Variants in CEP89 observed in about 807,000 individuals in gnomAD.
CEP89 encodes the protein centrosomal protein 89, also known as centrosomal protein of 89 kDa.
Under a neutral mutation model 97.6 loss-of-function variants are expected in CEP89, and 95 were observed. That is an observed-to-expected ratio of 0.97 (90% CI 0.82 to 1.15). The LOEUF is 1.15. Among genes scored for constraint, CEP89 ranks in the 50% most tolerant of loss-of-function variants. The pLI, the probability that CEP89 is intolerant of heterozygous loss-of-function variation, is 0.00. For missense variants in CEP89, 869 were observed against 947.7 expected (o/e 0.92, Z 1.09); for synonymous variants, 354 against 349.1 (o/e 1.01, Z -0.16).
Position 32,939,885 on chromosome 19 carries a change from T to A in CEP89, c.596A>T (p.Asp199Val), listed in dbSNP as rs142458977. 9.1e-5 allele frequency: 116 copies of A among 1,274,634 alleles called. No homozygotes were observed. In the African/African-American group the frequency reaches 1.5e-3, roughly 16 times the overall value. The allele number at this position is 1,274,634 out of a possible 1,614,324, so 79.0% of individuals were successfully genotyped here. A position where few individuals can be genotyped will look rare whatever the true frequency, so the allele number is the denominator to read the frequency against. Reference sequence around the variant, plus strand: ...TAAATTCAGAACAGGGTGTTTACCATCTGATGAAGAAAAAGAGAGAGAGAT... The same window carrying A: ...TAAATTCAGAACAGGGTGTTTACCAACTGATGAAGAAAAAGAGAGAGAGAT... ...PPAPQRTQQK[D>V]GKHPVLNLKD... Residue 199 changes from aspartate (D) to valine (V), a missense_variant and splice_region_variant, in exon 6 of 19, where the codon GAT becomes GTT. Asp to Val is a radical substitution (Grantham distance 152, BLOSUM62 -3). Coordinates refer to ENST00000305768, the MANE Select transcript of CEP89 (RefSeq NM_032816.5).
intron 18 of CEP89, 102 bp from the exon 19 acceptor site, chr19:32,879,480 G>C (rs1383647815): frequency 3.1e-6 from 3 of 952,528 alleles, no homozygotes; most frequent in Non-Finnish European, 4.8e-6. Context: ...GCTATCAGCA[G>C]GGAACAGAGC....
Position 32,879,137 on chromosome 19 carries a change from G to A in CEP89, c.*25C>T. On this transcript the variant is annotated 3_prime_UTR_variant, in exon 19 of 19. Coordinates refer to ENST00000305768, the MANE Select transcript of CEP89 (RefSeq NM_032816.5). ...AGGCAGACCTTTCAGGCCAGAGGAG[G>A]CTACACCACGGGCTCCCGCAGATTC... 6.4e-7 allele frequency: 1 copy of A among 1,573,722 alleles called. No individual in the cohort carries two copies. Among genetic ancestry groups the A allele is most frequent in the Non-Finnish European group, 8.7e-7 (1 of 1,155,338 alleles).
At position 32,965,688 on chromosome 19, in the gene CEP89, C is replaced by A. The variant is rs1294231160; in HGVS notation, c.146+672G>T. Among the ~76,000 whole-genome samples, 5 of 112,900 alleles carry A rather than the reference C, an allele frequency of 4.4e-5. No homozygotes were observed. In the South Asian group the frequency reaches 1.2e-3, roughly 27 times the overall value. The allele number at this position is 112,900 out of a possible 152,430, so 74.1% of individuals were successfully genotyped here. A position where few individuals can be genotyped will look rare whatever the true frequency, so the allele number is the denominator to read the frequency against. On this transcript the variant is annotated intron_variant, in intron 2 of 18. Transcript: ENST00000305768. The stretch of plus-strand genomic sequence containing the variant: ...TCCAGCCTGGGCAACAGAGCAAGAT[C>A]TTGCCTTGAAAAAAAAATTAATAAT...
At chr19:32,968,422 T>C (rs1971329508) in intron 1 of CEP89, among the ~76,000 whole-genome samples, 1 of 152,160 alleles carries the variant, frequency 6.6e-6, no homozygotes, top group African/African-American at 2.4e-5. Flanking sequence ...CTAATTTTTG[T>C]ATTTTGGTAG....
chr19:32,965,758 G>A lies in CEP89; in HGVS notation c.146+602C>T, dbSNP rs1019086703. 8.2e-4 allele frequency among the ~76,000 whole-genome samples: 124 copies of A among 151,576 alleles called. 1 individual carries two copies. Among genetic ancestry groups the A allele is most frequent in the African/African-American group, 2.8e-3 (116 of 41,344 alleles). On this transcript the variant is annotated intron_variant, in intron 2 of 18. Coordinates refer to ENST00000305768, the MANE Select transcript of CEP89 (RefSeq NM_032816.5). ...GGGCTGGGTGCGGAGGTTGATGCCT[G>A]TAATCCCAGCACTTTCAGAGGCCAA...
At chr19:32,889,969 C>T (rs1018441408) in intron 16 of CEP89, among the ~76,000 whole-genome samples, 1 of 152,006 alleles carries the variant, frequency 6.6e-6, no homozygotes, top group African/African-American at 2.4e-5. Flanking sequence ...CAGCGCTGGG[C>T]CAGACACTTG....
chr19:32,971,734 C>A, intron 1 of CEP89, 102 bp downstream of exon 1: 1 of 1,157,010 alleles, frequency 8.6e-7, no homozygotes, highest in African/African-American at 1.5e-5. Flanking sequence ...TTGTGCCGCC[C>A]CCTTGACTGG....
In CEP89 at chr19:32,884,528, T is replaced by G. The variant is rs1599707020; in HGVS notation, c.1966-2515A>C. 5.9e-5 allele frequency among the ~76,000 whole-genome samples: 9 copies of G among 152,320 alleles called. No individual in the cohort carries two copies. The South Asian group carries it at 1.9e-3, about 32-fold the overall frequency. ...TAAAAGATTTTAAACTAATATAGTCTTTTTCTTTGCTTTTTTGCTGTTATA... is the reference window on the plus strand; with the variant it reads ...TAAAAGATTTTAAACTAATATAGTCGTTTTCTTTGCTTTTTTGCTGTTATA... On this transcript the variant is annotated intron_variant, in intron 17 of 18. Transcript: ENST00000305768.
At chr19:32,935,273 G>A (rs1348290020) in intron 7 of CEP89, among the ~76,000 whole-genome samples, 1 of 152,128 alleles carries the variant, frequency 6.6e-6, no homozygotes, top group Non-Finnish European at 1.5e-5. Flanking sequence ...CTTCAGGCAG[G>A]GTGCAGTAAA....
intron 10 of CEP89, among the ~76,000 whole-genome samples, chr19:32,926,612 C>T (rs980356651): frequency 3.2e-4 from 49 of 152,300 alleles, no homozygotes; most frequent in African/African-American, 7.7e-4. Flanking sequence ...CCCAGGCTCG[C>T]GTGCAGTGGC....
intron 1 of CEP89, among the ~76,000 whole-genome samples, chr19:32,968,491 G>T (rs534666377): frequency 6.6e-6 from 1 of 152,130 alleles, no homozygotes; most frequent in Admixed American, 6.6e-5. Flanking sequence ...CAGGCAATCC[G>T]CCTGCCTTGG....
chr19:32,915,579 G>A, intron 13 of CEP89, 62 bp from the exon 14 acceptor site: 2 of 1,374,798 alleles, frequency 1.5e-6, no homozygotes, highest in East Asian at 2.3e-5. Context: ...CACAATTATG[G>A]GCTATTAGGA....
intron 2 of CEP89, among the ~76,000 whole-genome samples, chr19:32,962,618 C>A (rs1038983065): frequency 9.2e-5 from 14 of 152,126 alleles, no homozygotes; most frequent in Non-Finnish European, 1.6e-4. Flanking sequence ...AAATTGTAAG[C>A]TGGACTTCAT....
chr19:32,933,588 A>G lies in CEP89; in HGVS notation c.749T>C (p.Leu250Pro). The G allele has an allele frequency of 6.2e-7, 1 of 1,613,162 alleles. No individual in the cohort carries two copies. The highest frequency in any genetic ancestry group is 8.5e-7 in the Non-Finnish European group (1 of 1,179,160). The change falls in exon 8 of 19, where the codon CTA becomes CCA. Residue 250 changes from leucine to proline, a missense_variant. Leu to Pro is a moderately conservative substitution (Grantham distance 98). Transcript: ENST00000305768. ...FEALKEENMD[L>P]NNMNQSLTLE... The stretch of plus-strand genomic sequence containing the variant: ...GGTAAGGCTTTGATTCATATTGTTT[A>G]GGTCCATATTTTCTTCTTTTAATGC...
chr19:32,905,582 A>AGAATTT (rs1463796698), intron 14 of CEP89, among the ~76,000 whole-genome samples: 1 of 152,182 alleles, frequency 6.6e-6, no homozygotes, highest in African/African-American at 2.4e-5. Context: ...AGCTTTTCAA[A>AGAATTT]GAATTTGACT....
intron 9 of CEP89, chr19:32,931,183 T>C: frequency 2.3e-6 from 1 of 430,884 alleles, no homozygotes; most frequent in Non-Finnish European, 4.0e-6. Context: ...AGCCACCTCA[T>C]CCGGCCTCTT....
rs1214750727 is a variant in CEP89, at chr19:32,931,540, T to C, written c.918A>G (p.Lys306=). Residue 306 remains lysine, a synonymous_variant, in exon 9 of 19, where the codon AAA becomes AAG. Transcript: ENST00000305768. The part of the protein sequence containing the change: ...VAAPELLYLR[K]QAQELVDEND... The stretch of plus-strand genomic sequence containing the variant: ...TTTCATCCACCAGTTCTTGAGCTTG[T>C]TTTCGCAGATAAAGTAATTCAGGTG... The C allele has an allele frequency of 7.0e-6, 11 of 1,582,430 alleles. No homozygotes were observed. In the East Asian group the frequency reaches 2.3e-4, roughly 33 times the overall value.
intron 16 of CEP89, among the ~76,000 whole-genome samples, chr19:32,889,080 G>C (rs948851350): frequency 6.6e-6 from 1 of 152,206 alleles, no homozygotes; most frequent in Non-Finnish European, 1.5e-5. Flanking sequence ...GGTTGGGTAA[G>C]GGCTCTCACG....
chr19:32,931,215 T>C, intron 9 of CEP89: 1 of 536,336 alleles, frequency 1.9e-6, no homozygotes. Flanking sequence ...ACTTCTGTAT[T>C]GTCCCAATGT....
Sources: allele counts gnomAD v4.1 joint callset (sites outside exome capture counted in the v4.1 genomes callset), GRCh38; gene constraint gnomAD v4.1.1; transcripts MANE v1.5; gene names NCBI Gene and HGNC (gene_info 2026-07-23, HGNC 2026-07-21).